Variants in MC2R observed in about 807,000 individuals in gnomAD.
The protein encoded by MC2R is adrenocorticotropic hormone receptor.
Under a neutral mutation model 9.8 loss-of-function variants are expected in MC2R, and 9 were observed. That is an observed-to-expected ratio of 0.92 (90% CI 0.55 to 1.60). The LOEUF is 1.60. MC2R is among the 40% of genes most tolerant of loss of function. The probability of loss-of-function intolerance (pLI) is 0.00; values close to 1 mark genes in which losing one functional copy is unlikely to be tolerated. For synonymous variants in MC2R, 185 were observed against 154.7 expected, an observed-to-expected ratio of 1.20 and a Z score of -1.45; for missense variants, 370 against 389.0, an observed-to-expected ratio of 0.95 and a Z score of 0.41.
chr18:13,903,840 T>TTA (rs1200708292), intron 1 of MC2R, among the ~76,000 whole-genome samples: 1 of 152,086 alleles, frequency 6.6e-6, no homozygotes, highest in African/African-American at 2.4e-5. Context: ...AAATGCAGCC[T>TTA]TAAAGGAAAA....
At chr18:13,893,110 C>T (rs2045326749) in intron 1 of MC2R, among the ~76,000 whole-genome samples, 1 of 152,218 alleles carries the variant, frequency 6.6e-6, no homozygotes, top group Admixed American at 6.5e-5. Flanking sequence ...CACTGAATAT[C>T]CTCTTTTTAG....
intron 1 of MC2R, among the ~76,000 whole-genome samples, chr18:13,911,031 T>C (rs2045440981): frequency 6.6e-6 from 1 of 152,228 alleles, no homozygotes. Flanking sequence ...TTATGATTTA[T>C]AAAAAGCAGT....
At chr18:13,895,148 G>A (rs914192979) in intron 1 of MC2R, among the ~76,000 whole-genome samples, 3 of 152,220 alleles carry the variant, frequency 2.0e-5, no homozygotes, top group African/African-American at 7.2e-5. Context: ...GAACAACCCA[G>A]GGTAATCTGA....
intron 1 of MC2R, among the ~76,000 whole-genome samples, chr18:13,912,471 G>A (rs1356184586): frequency 6.6e-6 from 1 of 152,170 alleles, no homozygotes; most frequent in Non-Finnish European, 1.5e-5. Context: ...ATGGGTAGGA[G>A]GACCGGGTCA....
At chr18:13,888,160 C>T (rs778568518) in intron 1 of MC2R, among the ~76,000 whole-genome samples, 1 of 151,332 alleles carries the variant, frequency 6.6e-6, no homozygotes, top group East Asian at 1.9e-4. Context: ...TTTTTAGAAA[C>T]AGGTGGTTTG....
chr18:13,892,915 CT>C (rs1343273855), intron 1 of MC2R, among the ~76,000 whole-genome samples: 1 of 152,164 alleles, frequency 6.6e-6, no homozygotes, highest in Non-Finnish European at 1.5e-5. Flanking sequence ...CAGCCTCAAC[CT>C]CCCGGGCTCA....
At chr18:13,913,764 C>T (rs948819957) in intron 1 of MC2R, among the ~76,000 whole-genome samples, 1 of 152,166 alleles carries the variant, frequency 6.6e-6, no homozygotes, top group African/African-American at 2.4e-5. Context: ...CCCCGCATCC[C>T]AAGGGAGCCC....
In MC2R at chr18:13,890,367, G is replaced by C. The variant is rs1225499868; in HGVS notation, c.-128-4721C>G. Among the ~76,000 whole-genome samples the C allele has an allele frequency of 2.0e-5, 3 of 152,194 alleles. No homozygotes were observed. In the East Asian group the frequency reaches 5.8e-4, roughly 29 times the overall value. Reference sequence around the variant, plus strand: ...GGTGTTTTCTCGGATTGCTCTTCTGGAGAAGAGCTGGGGAAGGAGGACTGA... The same window carrying C: ...GGTGTTTTCTCGGATTGCTCTTCTGCAGAAGAGCTGGGGAAGGAGGACTGA... On this transcript the variant is annotated intron_variant, in intron 1 of 1. Transcript: ENST00000327606.
chr18:13,904,307 G>C (rs984678359), intron 1 of MC2R, among the ~76,000 whole-genome samples: 3 of 151,110 alleles, frequency 2.0e-5, no homozygotes, highest in African/African-American at 7.3e-5. Flanking sequence ...CGTGAACCCG[G>C]GAGGCAGAGT....
chr18:13,909,471 G>A (rs953433233), intron 1 of MC2R, among the ~76,000 whole-genome samples: 1 of 152,194 alleles, frequency 6.6e-6, no homozygotes, highest in African/African-American at 2.4e-5. Context: ...ACAGAGCAGA[G>A]AGTTCTGCCC....
At chr18:13,897,506 G>A (rs2045353474) in intron 1 of MC2R, among the ~76,000 whole-genome samples, 1 of 152,136 alleles carries the variant, frequency 6.6e-6, no homozygotes, top group African/African-American at 2.4e-5. Flanking sequence ...GACTTGGGGG[G>A]CGCACAACCT....
intron 1 of MC2R, among the ~76,000 whole-genome samples, chr18:13,887,985 C>T (rs2045288099): frequency 6.6e-6 from 1 of 152,192 alleles, no homozygotes; most frequent in Admixed American, 6.5e-5. Flanking sequence ...GGGGCCAACA[C>T]CTGTGGCCAG....
At chr18:13,892,918 C>T (rs1326971200) in intron 1 of MC2R, among the ~76,000 whole-genome samples, 3 of 152,138 alleles carry the variant, frequency 2.0e-5, no homozygotes. Flanking sequence ...CCTCAACCTC[C>T]CGGGCTCAAG....
intron 1 of MC2R, among the ~76,000 whole-genome samples, chr18:13,908,555 G>A (rs1342963656): frequency 1.3e-5 from 2 of 152,152 alleles, no homozygotes; most frequent in South Asian, 2.1e-4. Context: ...AGAGACTTTA[G>A]GGTGATAGAT....
intron 1 of MC2R, among the ~76,000 whole-genome samples, chr18:13,913,337 C>T (rs1447373967): frequency 2.0e-5 from 3 of 152,148 alleles, no homozygotes; most frequent in Non-Finnish European, 4.4e-5. Context: ...GTGACCCACT[C>T]GGACCTTTCC....
chr18:13,913,818 T>C (rs1011710829), intron 1 of MC2R, among the ~76,000 whole-genome samples: 2 of 152,286 alleles, frequency 1.3e-5, no homozygotes, highest in Non-Finnish European at 2.9e-5. Flanking sequence ...TTGTTCTTAT[T>C]TCTACAACGG....
intron 1 of MC2R, among the ~76,000 whole-genome samples, chr18:13,910,460 T>C (rs929210703): frequency 6.6e-6 from 1 of 152,228 alleles, no homozygotes; most frequent in East Asian, 1.9e-4. Context: ...ATAAGTTTAT[T>C]GACATCTTCA....
intron 1 of MC2R, among the ~76,000 whole-genome samples, chr18:13,901,774 T>C (rs1033637396): frequency 1.3e-5 from 2 of 152,146 alleles, no homozygotes; most frequent in Admixed American, 1.3e-4. Flanking sequence ...TGTGACCTAA[T>C]GGCTTCACTG....
At chr18:13,886,328 C>T (rs1419062643) in intron 1 of MC2R, among the ~76,000 whole-genome samples, 1 of 152,222 alleles carries the variant, frequency 6.6e-6, no homozygotes, top group East Asian at 1.9e-4. Context: ...GAGATGATAG[C>T]AAAGATTATT....
Sources: gnomAD v4.1 joint callset for allele counts (sites outside exome capture counted in the v4.1 genomes callset) on GRCh38, gnomAD v4.1.1 for gene constraint, MANE v1.5 for transcripts, NCBI Gene and HGNC (gene_info 2026-07-23, HGNC 2026-07-21) for gene names.